MYT1L: variants seen among roughly 807,000 people sequenced by gnomAD.
MYT1L encodes myelin transcription factor 1 like.
Under a neutral mutation model 126.7 loss-of-function variants are expected in MYT1L, and 12 were observed. The ratio of observed to expected loss-of-function variants is 0.09; its 90% CI spans 0.06 to 0.15. MYT1L has a LOEUF of 0.15. Ranked by LOEUF, MYT1L falls within the 10% of genes least tolerant of loss-of-function variation. The pLI is 1.00. For synonymous variants in MYT1L, 541 were observed against 604.2 expected, an observed-to-expected ratio of 0.90 and a Z score of 1.53; for missense variants, 979 against 1,585.2, an observed-to-expected ratio of 0.62 and a Z score of 6.49.
At chr2:2,062,741 C>T (rs1471000686) in intron 3 of MYT1L, among the ~76,000 whole-genome samples, 5 of 151,470 alleles carry the variant, frequency 3.3e-5, no homozygotes, top group East Asian at 1.9e-4. Flanking sequence ...GGTCTGATGG[C>T]GTTTCTCCCT....
At position 1,923,087 on chromosome 2, in the gene MYT1L, T is replaced by C. The variant is rs2053776375; in HGVS notation, c.682A>G (p.Asn228Asp). ...TCGTCTTCCAGACTATTGGAGGTAT[T>C]GCTGTTCATTTCTGACTCAGTCCTG... ...RARTESEMNSNTSNSLEDDSD... is the reference protein window; with the variant it reads ...RARTESEMNSDTSNSLEDDSD... The change falls in exon 10 of 25, where the codon AAT (asparagine) becomes GAT (aspartate). Residue 228 changes from asparagine to aspartate, a missense_variant. Physicochemically the swap from Asn to Asp is conservative, Grantham distance 23 (BLOSUM62 1). This residue lies in a region of MYT1L where 243 missense variants were observed against 363.9 expected (regional missense o/e 0.67). Coordinates refer to ENST00000647738, the MANE Select transcript of MYT1L (RefSeq NM_001303052.2). 3 of 1,614,066 alleles carry C rather than the reference T, an allele frequency of 1.9e-6. No homozygotes were observed. The highest frequency in any genetic ancestry group is 2.5e-6 in the Non-Finnish European group (3 of 1,179,896).
chr2:1,996,436 G>T (rs80033421), intron 5 of MYT1L, among the ~76,000 whole-genome samples: 1 of 148,032 alleles, frequency 6.8e-6, no homozygotes, highest in South Asian at 2.2e-4. Flanking sequence ...TAGATGGGCC[G>T]CCTTTACCTA....
intron 18 of MYT1L, among the ~76,000 whole-genome samples, chr2:1,862,019 T>C (rs1281322136): frequency 1.4e-5 from 2 of 144,644 alleles, no homozygotes; most frequent in East Asian, 4.1e-4. Context: ...TTTTTCACAC[T>C]CGGGGGTTAC....
Position 1,922,871 on chromosome 2 carries a change from C to G in MYT1L, c.898G>C (p.Val300Leu). The G allele has an allele frequency of 6.2e-7, 1 of 1,613,974 alleles. No individual in the cohort carries two copies. The highest frequency in any genetic ancestry group is 8.5e-7 in the Non-Finnish European group (1 of 1,179,894). Residue 300 changes from valine to leucine, a missense_variant, in exon 10 of 25, where the codon GTC becomes CTC. Val to Leu is a conservative substitution (Grantham distance 32, BLOSUM62 1). Around this residue, in one of 12 missense-constraint regions of MYT1L, gnomAD observed 243 missense variants for 363.9 expected, o/e 0.67. Transcript: ENST00000647738. This position sits in a 1 kb window ranked among gnomAD's most constrained non-coding sequence, Gnocchi z 7.4. ...TTGTTCATGGGCTTCCCCAACATGA[C>G]GTAATTCATATTTCTACTGTCTTGC... ...SQQDSRNMNYVMLGKPMNNGL... is the reference protein window; with the variant it reads ...SQQDSRNMNYLMLGKPMNNGL...
chr2:2,158,602 C>G (rs2087151983), intron 3 of MYT1L, among the ~76,000 whole-genome samples: 1 of 151,370 alleles, frequency 6.6e-6, no homozygotes, highest in South Asian at 2.1e-4. Context: ...GCTCCTCTCT[C>G]TCCTCCCATG....
intron 2 of MYT1L, among the ~76,000 whole-genome samples, chr2:2,266,826 C>T (rs2095141669): frequency 6.6e-6 from 1 of 152,206 alleles, no homozygotes; most frequent in Non-Finnish European, 1.5e-5. Context: ...CTTGCCTCTC[C>T]TTCTCTTGTC....
chr2:2,179,526 A>C (rs1354251508), intron 2 of MYT1L, among the ~76,000 whole-genome samples: 1 of 152,218 alleles, frequency 6.6e-6, no homozygotes, highest in African/African-American at 2.4e-5. Context: ...TATCGTTATC[A>C]TGACAACACC....
intron 3 of MYT1L, among the ~76,000 whole-genome samples, chr2:2,150,091 G>C (rs1240427444): frequency 2.0e-5 from 3 of 152,106 alleles, no homozygotes; most frequent in Admixed American, 6.5e-5. Context: ...ACACCGGTGG[G>C]ACAGGTTGTC....
At chr2:2,088,205 G>A (rs1478441369) in intron 3 of MYT1L, among the ~76,000 whole-genome samples, 1 of 152,152 alleles carries the variant, frequency 6.6e-6, no homozygotes, top group African/African-American at 2.4e-5. Context: ...TCTCTGACTT[G>A]GCATGGGCAT....
chr2:1,930,805 G>A (rs2054862790), intron 9 of MYT1L, among the ~76,000 whole-genome samples: 2 of 152,212 alleles, frequency 1.3e-5, no homozygotes, highest in Admixed American at 6.5e-5. Context: ...GGGGGTCCAT[G>A]TGCAGGTTTG....
chr2:1,799,454 A>T (rs1011729921), intron 23 of MYT1L, among the ~76,000 whole-genome samples: 12 of 152,182 alleles, frequency 7.9e-5, no homozygotes, highest in Non-Finnish European at 1.6e-4. Flanking sequence ...CTTCATCCAC[A>T]GCTGGCATCA....
At chr2:2,173,379 A>G (rs577302575) in intron 2 of MYT1L, among the ~76,000 whole-genome samples, 1 of 152,328 alleles carries the variant, frequency 6.6e-6, no homozygotes, top group Admixed American at 6.5e-5. Context: ...AATATTTTGC[A>G]TGTTTATTTT....
intron 2 of MYT1L, among the ~76,000 whole-genome samples, chr2:2,216,058 T>C (rs1278466612): frequency 1.0e-5 from 1 of 96,084 alleles, no homozygotes; most frequent in East Asian, 2.4e-4. Flanking sequence ...TCTCTCTCTC[T>C]CTCTCTCAGT....
chr2:1,946,502 TGC>T (rs1329769892), intron 8 of MYT1L, among the ~76,000 whole-genome samples: 1 of 152,122 alleles, frequency 6.6e-6, no homozygotes, highest in Non-Finnish European at 1.5e-5. Flanking sequence ...GCCACCTTGC[TGC>T]GTGACTCAGG....
At chr2:1,859,396 A>T (rs1200005624) in intron 18 of MYT1L, among the ~76,000 whole-genome samples, 3 of 152,224 alleles carry the variant, frequency 2.0e-5, no homozygotes, top group Non-Finnish European at 4.4e-5. Flanking sequence ...ATAATTTTTT[A>T]AAAATTTCTT....
At chr2:1,809,255 C>G in intron 21 of MYT1L, 88 bp from the exon 22 acceptor site, 1 of 1,273,628 alleles carries the variant, frequency 7.9e-7, no homozygotes. Flanking sequence ...CGTAGAATAG[C>G]ATTATTAGGT....
intron 3 of MYT1L, among the ~76,000 whole-genome samples, chr2:2,160,693 A>G (rs1575569580): frequency 6.6e-6 from 1 of 152,196 alleles, no homozygotes; most frequent in Non-Finnish European, 1.5e-5. Context: ...CTCTGCATTA[A>G]CCACCAGTTT....
At chr2:2,139,603 C>T (rs1225958712) in intron 3 of MYT1L, among the ~76,000 whole-genome samples, 2 of 151,896 alleles carry the variant, frequency 1.3e-5, no homozygotes, top group African/African-American at 4.8e-5. Context: ...TGCACCATTG[C>T]ACTCCAGCCT....
In MYT1L at chr2:2,178,713, T is replaced by A. The variant is rs552005508; in HGVS notation, c.-420-5725A>T. 9.4e-4 allele frequency among the ~76,000 whole-genome samples: 143 copies of A among 152,238 alleles called. 2 individuals carry two copies. In the South Asian group the frequency reaches 0.029, roughly 31 times the overall value. On this transcript the variant is annotated intron_variant, in intron 2 of 24. Coordinates refer to ENST00000647738, the MANE Select transcript of MYT1L (RefSeq NM_001303052.2). ...GAATGGCTTTTGGCATTGTTGAATA[T>A]CAGCAGTGAAAGCAATCGTAAGGAT...
Sources: gnomAD v4.1 joint callset for allele counts (sites outside exome capture counted in the v4.1 genomes callset) on GRCh38, gnomAD v4.1.1 for gene constraint, gnomAD v4.1.1 regional missense constraint, Gnocchi (gnomAD v3.1) non-coding constraint, MANE v1.5 for transcripts, NCBI Gene and HGNC (gene_info 2026-07-23, HGNC 2026-07-21) for gene names.